TOLLIP: variants seen among roughly 807,000 people sequenced by gnomAD.
TOLLIP encodes the protein toll-interacting protein.
A neutral mutation model predicts 33.5 loss-of-function variants in TOLLIP; 16 were observed. That is an observed-to-expected ratio of 0.48 (90% CI 0.32 to 0.72). The LOEUF is 0.72. TOLLIP is among the 30% of genes least tolerant of loss of function. The pLI is 0.03. For missense variants in TOLLIP, 325 were observed against 396.6 expected, an observed-to-expected ratio of 0.82 and a Z score of 1.53; for synonymous variants, 176 against 163.7, an observed-to-expected ratio of 1.07 and a Z score of -0.57.
chr11:1,308,659 T>C (rs1864485764), intron 1 of TOLLIP, among the ~76,000 whole-genome samples: 1 of 152,222 alleles, frequency 6.6e-6, no homozygotes, highest in African/African-American at 2.4e-5. Context: ...CAGGAAAGGT[T>C]CTCTGAAGTT....
intron 1 of TOLLIP, chr11:1,302,748 T>A (rs1448208395): frequency 2.4e-5 from 24 of 985,502 alleles, no homozygotes; most frequent in Non-Finnish European, 2.9e-5. Context: ...ATAAGTGGCA[T>A]TTCATGCAAC....
At position 1,276,815 on chromosome 11, in the gene TOLLIP, T is replaced by G; in HGVS notation, c.*224A>C. ...AGGGACAGGAGAGCGCGCTGAGACC[T>G]CCCAGCACGAGATGGGAGGGGAGCC... On this transcript the variant is annotated 3_prime_UTR_variant, in exon 6 of 6. Coordinates refer to ENST00000317204, the MANE Select transcript of TOLLIP (RefSeq NM_019009.4). The G allele has an allele frequency of 6.5e-7, 1 of 1,528,466 alleles. No individual in the cohort carries two copies. Among genetic ancestry groups the G allele is most frequent in the South Asian group, 1.2e-5 (1 of 83,172 alleles). The allele number at this position is 1,528,466 out of a possible 1,614,324, so 94.7% of individuals were successfully genotyped here.
At chr11:1,304,034 TAAAA>T (rs1190313088) in intron 1 of TOLLIP, among the ~76,000 whole-genome samples, 29 of 87,890 alleles carry the variant, frequency 3.3e-4, no homozygotes, top group Admixed American at 1.5e-3. Context: ...AGCCTCCATG[TAAAA>T]AAAAAAAAAA....
Position 1,303,098 on chromosome 11 carries a change from C to T in TOLLIP, c.33+6368G>A, listed in dbSNP as rs1864328739. Among the ~76,000 whole-genome samples, 1 of 152,168 alleles carries T rather than the reference C, an allele frequency of 6.6e-6. No individual in the cohort carries two copies. Among genetic ancestry groups the T allele is most frequent in the Admixed American group, 6.5e-5 (1 of 15,286 alleles). On this transcript the variant is annotated intron_variant, in intron 1 of 5. Transcript: ENST00000317204. This position sits in a 1 kb window ranked among gnomAD's most constrained non-coding sequence, Gnocchi z 4.2. ...GGAGATGACAGTATTGAAACGAACC[C>T]GTGTAAGCTGAAGAGCGGTGAAAGG...
intron 5 of TOLLIP, among the ~76,000 whole-genome samples, chr11:1,282,169 A>C (rs1451643304): frequency 2.0e-5 from 3 of 152,260 alleles, no homozygotes; most frequent in Non-Finnish European, 4.4e-5. Context: ...CCGGAAATGC[A>C]GAGAGCCTGG....
At chr11:1,302,955 T>G (rs995230449) in intron 1 of TOLLIP, among the ~76,000 whole-genome samples, 1 of 151,930 alleles carries the variant, frequency 6.6e-6, no homozygotes, top group Admixed American at 6.6e-5. Flanking sequence ...TATCACCCCC[T>G]CCCCTCTTCC....
intron 1 of TOLLIP, chr11:1,298,133 C>G (rs1402937875): frequency 6.6e-6 from 1 of 152,352 alleles, no homozygotes; most frequent in Non-Finnish European, 1.5e-5. Flanking sequence ...ACCAAGTTCT[C>G]AGGACTAACA....
At chr11:1,279,227 G>A (rs1370905578) in intron 5 of TOLLIP, among the ~76,000 whole-genome samples, 1 of 152,240 alleles carries the variant, frequency 6.6e-6, no homozygotes, top group Non-Finnish European at 1.5e-5. Context: ...CAACAGCACG[G>A]CCCCAACACA....
intron 5 of TOLLIP, among the ~76,000 whole-genome samples, chr11:1,284,841 A>C (rs1239415411): frequency 6.6e-6 from 1 of 152,160 alleles, no homozygotes; most frequent in African/African-American, 2.4e-5. Flanking sequence ...GAATGTCCTG[A>C]ACACCAGTGG....
In TOLLIP at chr11:1,275,131, G is replaced by T. The variant is rs866840484; in HGVS notation, c.*1908C>A. The T allele has an allele frequency of 6.6e-6, 1 of 152,338 alleles. No homozygotes were observed. The highest frequency in any genetic ancestry group is 2.1e-4 in the South Asian group (1 of 4,824). 9.4% of individuals were successfully genotyped at this position (152,338 alleles called of 1,614,324 possible). A position where few individuals can be genotyped will look rare whatever the true frequency, so the allele number is the denominator to read the frequency against. On this transcript the variant is annotated 3_prime_UTR_variant, in exon 6 of 6. Coordinates refer to ENST00000317204, the MANE Select transcript of TOLLIP (RefSeq NM_019009.4). The stretch of plus-strand genomic sequence containing the variant: ...AAAGGGTTGCTCTCCCTCCAGCGAG[G>T]CTGGCCCCCACTGTGTGGGTCCCTC...
In TOLLIP at chr11:1,276,690, C is replaced by G; in HGVS notation, c.*349G>C. ...CATCACAAAATGCCATGAATGGAAT[C>G]GGAAGGCGCTCCACCACCTCCAACA... On this transcript the variant is annotated 3_prime_UTR_variant, in exon 6 of 6. Coordinates refer to ENST00000317204, the MANE Select transcript of TOLLIP (RefSeq NM_019009.4). The G allele has an allele frequency of 1.4e-6, 2 of 1,392,014 alleles. No homozygotes were observed. The highest frequency in any genetic ancestry group is 1.9e-6 in the Non-Finnish European group (2 of 1,054,982). The allele number at this position is 1,392,014 out of a possible 1,614,324, so 86.2% of individuals were successfully genotyped here. A position where few individuals can be genotyped will look rare whatever the true frequency, so the allele number is the denominator to read the frequency against.
At chr11:1,306,604 T>C (rs983974971) in intron 1 of TOLLIP, among the ~76,000 whole-genome samples, 1 of 152,158 alleles carries the variant, frequency 6.6e-6, no homozygotes, top group African/African-American at 2.4e-5. Flanking sequence ...CTCTAGGTGC[T>C]AGTAACTGGG....
Position 1,277,978 on chromosome 11 carries a change from C to T in TOLLIP, c.611-725G>A, listed in dbSNP as rs1863364706. 1.3e-5 allele frequency among the ~76,000 whole-genome samples: 2 copies of T among 152,214 alleles called. No homozygotes were observed. Among genetic ancestry groups the T allele is most frequent in the African/African-American group, 4.8e-5 (2 of 41,454 alleles). On this transcript the variant is annotated intron_variant, in intron 5 of 5. Transcript: ENST00000317204. This position sits in a 1 kb window ranked among gnomAD's most constrained non-coding sequence, Gnocchi z 4.2. Reference sequence around the variant, plus strand: ...CACCGTCCAGGGTTCCTGGCATCTCCACCCCACAGCTACGCAGGCCCCTCG... The same window carrying T: ...CACCGTCCAGGGTTCCTGGCATCTCTACCCCACAGCTACGCAGGCCCCTCG...
intron 5 of TOLLIP, among the ~76,000 whole-genome samples, chr11:1,282,517 C>T (rs151272471): frequency 0.021 from 3,211 of 150,228 alleles, 42 homozygotes; most frequent in Non-Finnish European, 0.03. Flanking sequence ...GGAGAAATAC[C>T]TAATGTTAAA....
At chr11:1,289,806 C>T (rs532451685) in intron 3 of TOLLIP, among the ~76,000 whole-genome samples, 1 of 148,204 alleles carries the variant, frequency 6.7e-6, no homozygotes, top group Non-Finnish European at 1.5e-5. Context: ...AGCGGCCAGA[C>T]GAGTGCCCAG....
In TOLLIP at chr11:1,293,604, C is replaced by T. The variant is rs374522426; in HGVS notation, c.183+2041G>A. On this transcript the variant is annotated intron_variant, in intron 2 of 5. Coordinates refer to ENST00000317204, the MANE Select transcript of TOLLIP (RefSeq NM_019009.4). ...GGAATGTTTCCCACCACTGGAGCTGCGCCACAGAAGGCTGGGTGAGCTCAC... is the reference window on the plus strand; with the variant it reads ...GGAATGTTTCCCACCACTGGAGCTGTGCCACAGAAGGCTGGGTGAGCTCAC... 2.0e-5 allele frequency among the ~76,000 whole-genome samples: 3 copies of T among 152,376 alleles called. No individual in the cohort carries two copies. In the South Asian group the frequency reaches 6.2e-4, roughly 32 times the overall value.
rs1429688666 is a variant in TOLLIP at position 1,290,313 on chromosome 11, C to T, written c.280G>A (p.Gly94Ser). The T allele has an allele frequency of 6.2e-7, 1 of 1,613,650 alleles. No individual in the cohort carries two copies. ...TTATTCCAGCGGGGATTCTTGGCGC[C>T]ATTGTGTGCCGTGGGCGTCTCGTAC... ...AVYETPTAHN[G>S]AKNPRWNKVI... Residue 94 changes from glycine to serine, a missense_variant, in exon 3 of 6, where the codon GGC becomes AGC. Gly to Ser is a moderately conservative substitution (Grantham distance 56). Coordinates refer to ENST00000317204, the MANE Select transcript of TOLLIP (RefSeq NM_019009.4). The surrounding 1 kb of genome is among the most constrained non-coding windows in gnomAD (Gnocchi z 4.9).
At chr11:1,297,713 C>T (rs1437922451) in intron 1 of TOLLIP, among the ~76,000 whole-genome samples, 4 of 152,204 alleles carry the variant, frequency 2.6e-5, no homozygotes, top group African/African-American at 9.6e-5. Flanking sequence ...CCCGGAGGGA[C>T]CCCCTGCCCT....
intron 2 of TOLLIP, chr11:1,291,873 C>T (rs1236139982): frequency 6.3e-6 from 1 of 159,940 alleles, no homozygotes; most frequent in African/African-American, 2.4e-5. Flanking sequence ...GAGGGCACGG[C>T]TGTCCCGTCC....
Sources: allele counts gnomAD v4.1 joint callset (sites outside exome capture counted in the v4.1 genomes callset), GRCh38; gene constraint gnomAD v4.1.1; non-coding constraint Gnocchi (gnomAD v3.1); transcripts MANE v1.5; gene names NCBI Gene and HGNC (gene_info 2026-07-23, HGNC 2026-07-21).